The following TRIM2 variants were observed in gnomAD, a reference collection of about 807,000 sequenced individuals.
The protein encoded by TRIM2 is tripartite motif-containing protein 2.
In TRIM2, 20 loss-of-function variants were observed where a neutral mutation model predicts 75.2. That is an observed-to-expected ratio of 0.27 (90% CI 0.19 to 0.39). The LOEUF (loss-of-function observed/expected upper bound fraction) is 0.39. TRIM2 is among the 10% of genes least tolerant of loss of function. The pLI, the probability that TRIM2 is intolerant of heterozygous loss-of-function variation, is 1.00. For missense variants in TRIM2, 660 were observed against 990.8 expected (o/e 0.67, Z 4.48); for synonymous variants, 373 against 388.3 (o/e 0.96, Z 0.46).
In TRIM2 at chr4:153,322,710, C is replaced by T; in HGVS notation, c.1845C>T (p.His615=). The T allele has an allele frequency of 6.2e-7, 1 of 1,614,176 alleles. No homozygotes were observed. The highest frequency in any genetic ancestry group is 8.5e-7 in the Non-Finnish European group (1 of 1,180,034). The change falls in exon 9 of 12, where the codon CAC becomes CAT. Residue 615 remains histidine (H), a synonymous_variant. Transcript: ENST00000338700. ...GAGTTTCTGTGGACCGCAATGGGCA[C>T]ATTATTGTTGTGGACAACAAGGCGT... The part of the protein sequence containing the change: ...PKGVSVDRNG[H]IIVVDNKACC...
chr4:153,243,195 T>C (rs1578864648), intron 1 of TRIM2, among the ~76,000 whole-genome samples: 1 of 152,180 alleles, frequency 6.6e-6, no homozygotes, highest in African/African-American at 2.4e-5. Flanking sequence ...GAGGCTAGGG[T>C]GGAGCCCCCA....
intron 1 of TRIM2, among the ~76,000 whole-genome samples, chr4:153,243,230 T>C (rs918075698): frequency 1.3e-5 from 2 of 152,230 alleles, no homozygotes; most frequent in African/African-American, 4.8e-5. Flanking sequence ...ACCGCCAAAC[T>C]GAACTGAAGC....
chr4:153,160,744 A>T (rs1295318010), intron 1 of TRIM2, among the ~76,000 whole-genome samples: 1 of 152,168 alleles, frequency 6.6e-6, no homozygotes, highest in Non-Finnish European at 1.5e-5. Flanking sequence ...ATAGGCATGC[A>T]CCACCACACC....
At chr4:153,209,271 A>G (rs1011146911) in intron 1 of TRIM2, among the ~76,000 whole-genome samples, 22 of 152,162 alleles carry the variant, frequency 1.4e-4, no homozygotes, top group Non-Finnish European at 3.1e-4. Context: ...AACAAGGGAC[A>G]CTCACACCAC....
chr4:153,282,723 A>T lies in TRIM2; in HGVS notation c.453+6593A>T, dbSNP rs542414979. Among the ~76,000 whole-genome samples the T allele has an allele frequency of 1.4e-3, 210 of 152,084 alleles. 1 individual carries two copies. The highest frequency in any genetic ancestry group is 2.5e-3 in the Non-Finnish European group (168 of 67,982). ...CAACTTCCCAGAGTGCTGGGATTAC[A>T]GGTGTTAAGGCACCGAGCCTGGCCT... On this transcript the variant is annotated intron_variant, in intron 3 of 11. Coordinates refer to ENST00000338700, the MANE Select transcript of TRIM2 (RefSeq NM_015271.5).
At chr4:153,187,591 C>G (rs1732732336) in intron 1 of TRIM2, among the ~76,000 whole-genome samples, 1 of 152,222 alleles carries the variant, frequency 6.6e-6, no homozygotes, top group African/African-American at 2.4e-5. Context: ...TGTACCCCAG[C>G]TGTTGGGGCA....
intron 1 of TRIM2, among the ~76,000 whole-genome samples, chr4:153,242,369 C>T (rs1308303113): frequency 6.6e-6 from 1 of 151,836 alleles, no homozygotes; most frequent in Non-Finnish European, 1.5e-5. Flanking sequence ...CTGTGAATCC[C>T]CCTCTAACAG....
At chr4:153,230,635 A>G (rs1288531867) in intron 1 of TRIM2, among the ~76,000 whole-genome samples, 2 of 152,230 alleles carry the variant, frequency 1.3e-5, no homozygotes, top group Non-Finnish European at 2.9e-5. Flanking sequence ...AATCTGGGAT[A>G]CTGCATGCCT....
At chr4:153,218,068 T>C (rs1738966188) in intron 1 of TRIM2, among the ~76,000 whole-genome samples, 2 of 152,222 alleles carry the variant, frequency 1.3e-5, no homozygotes, top group African/African-American at 4.8e-5. Flanking sequence ...AGAATGTAAA[T>C]TGGTACCACC....
At chr4:153,173,685 A>ATAT (rs1731111434) in intron 1 of TRIM2, among the ~76,000 whole-genome samples, 1 of 151,220 alleles carries the variant, frequency 6.6e-6, no homozygotes, top group Admixed American at 6.6e-5. Context: ...AATAATAATA[A>ATAT]GGCCGGACGT....
intron 1 of TRIM2, among the ~76,000 whole-genome samples, chr4:153,234,850 G>A (rs757996925): frequency 2.0e-5 from 3 of 152,184 alleles, no homozygotes; most frequent in Non-Finnish European, 4.4e-5. Flanking sequence ...TCTCCAGGCA[G>A]TTGTTCTACA....
chr4:153,245,008 A>G (rs1262354448), intron 1 of TRIM2, among the ~76,000 whole-genome samples: 3 of 152,044 alleles, frequency 2.0e-5, no homozygotes, highest in Admixed American at 2.0e-4. Flanking sequence ...TTTTTCTACC[A>G]TCTTCTGTGG....
intron 6 of TRIM2, among the ~76,000 whole-genome samples, chr4:153,301,356 AT>A (rs1408687952): frequency 6.6e-6 from 1 of 151,952 alleles, no homozygotes; most frequent in African/African-American, 2.4e-5. Context: ...AAATCAGGCT[AT>A]TTTTTTCATT....
intron 8 of TRIM2, among the ~76,000 whole-genome samples, chr4:153,321,274 T>G (rs574346058): frequency 6.6e-6 from 1 of 152,382 alleles, no homozygotes; most frequent in Admixed American, 6.5e-5. Context: ...TTGTTTGCCA[T>G]GTGCCTAGAA....
chr4:153,307,761 T>G, intron 6 of TRIM2: 1 of 681,192 alleles, frequency 1.5e-6, no homozygotes, highest in Admixed American at 1.8e-5. Flanking sequence ...TGTGTCGGAC[T>G]TCAGCCATCT....
chr4:153,184,968 C>T (rs566782954), intron 1 of TRIM2, among the ~76,000 whole-genome samples: 1 of 152,302 alleles, frequency 6.6e-6, no homozygotes, highest in East Asian at 1.9e-4. Context: ...AACGTTTTCC[C>T]TGTGGGGAAT....
At chr4:153,303,533 G>C (rs1001795399) in intron 6 of TRIM2, among the ~76,000 whole-genome samples, 3 of 151,780 alleles carry the variant, frequency 2.0e-5, no homozygotes, top group African/African-American at 7.3e-5. Flanking sequence ...GTGCTGCTAG[G>C]TATGTGATAA....
At chr4:153,230,531 A>C (rs534159647) in intron 1 of TRIM2, among the ~76,000 whole-genome samples, 24 of 152,322 alleles carry the variant, frequency 1.6e-4, no homozygotes, top group African/African-American at 5.8e-4. Context: ...AACAAAAAAC[A>C]CACCAAACAA....
At chr4:153,161,917 A>T (rs1729775386) in intron 1 of TRIM2, among the ~76,000 whole-genome samples, 1 of 152,246 alleles carries the variant, frequency 6.6e-6, no homozygotes, top group Non-Finnish European at 1.5e-5. Context: ...ACTAGAAAAA[A>T]ATGAGTGCTT....
Sources: allele counts gnomAD v4.1 joint callset (sites outside exome capture counted in the v4.1 genomes callset), GRCh38; gene constraint gnomAD v4.1.1; transcripts MANE v1.5; gene names NCBI Gene and HGNC (gene_info 2026-07-23, HGNC 2026-07-21).